The following KLHDC4 variants were observed in gnomAD, a reference collection of about 807,000 sequenced individuals.
The protein encoded by KLHDC4 is kelch domain-containing protein 4.
KLHDC4 carries 90 observed loss-of-function variants against 62.4 expected under a neutral mutation model. That is an observed-to-expected ratio of 1.44 (90% CI 1.22 to 1.72). The LOEUF is 1.72. KLHDC4 is among the 40% of genes most tolerant of loss of function. KLHDC4 has a pLI of 0.00. For synonymous variants in KLHDC4, 386 were observed against 284.4 expected (o/e 1.36, Z -3.59); for missense variants, 1,025 against 699.7 (o/e 1.47, Z -5.25).
At chr16:87,714,684 T>C (rs1265550306) in intron 7 of KLHDC4, 111 bp from the exon 8 acceptor site, 5 of 1,108,838 alleles carry the variant, frequency 4.5e-6, no homozygotes, top group Non-Finnish European at 6.8e-6. Flanking sequence ...GCCTTCCCTG[T>C]AGACCAGCCC....
In KLHDC4 at chr16:87,708,442, G is replaced by A. The variant is rs773373127; in HGVS notation, c.1472C>T (p.Thr491Met). Residue 491 changes from threonine (T) to methionine (M), a missense_variant, in exon 11 of 12, where the codon ACG becomes ATG. Thr to Met is a moderately conservative substitution (Grantham distance 81). Transcript: ENST00000270583. ...CTCCTCACTGTCCTCTTCCGAGTCC[G>A]TCTCCTCCAGCCACTCCTGAGTTTC... Reference protein sequence around the residue: ...DPETQEWLEETDSEEDSEEVE... With the variant: ...DPETQEWLEEMDSEEDSEEVE... The A allele has an allele frequency of 6.5e-5, 105 of 1,608,884 alleles. No individual in the cohort carries two copies. Among genetic ancestry groups the A allele is most frequent in the Admixed American group, 1.2e-4 (7 of 59,362 alleles).
intron 10 of KLHDC4, 51 bp downstream of exon 10, chr16:87,709,214 G>A (rs780832045): frequency 3.9e-5 from 61 of 1,565,490 alleles, no homozygotes; most frequent in South Asian, 7.0e-5. Flanking sequence ...CGCGACACAC[G>A]ACCGTGGGCT....
exon 1 of KLHDC4, chr16:87,700,895 T>G (rs918793034): frequency 1.5e-5 from 4 of 260,376 alleles, no homozygotes; most frequent in Non-Finnish European, 3.0e-5. Context: ...GGGAGGAAGC[T>G]GGAGGGCGGA....
At chr16:87,727,678 T>C (rs1202004862) in intron 6 of KLHDC4, among the ~76,000 whole-genome samples, 1 of 152,162 alleles carries the variant, frequency 6.6e-6, no homozygotes, top group Non-Finnish European at 1.5e-5. Context: ...CCTGTCCTAA[T>C]GTGGAACTTT....
downstream of KLHDC4, among the ~76,000 whole-genome samples, chr16:87,706,692 C>G (rs1355454860): frequency 6.6e-6 from 1 of 152,250 alleles, no homozygotes; most frequent in African/African-American, 2.4e-5. Context: ...AAGTGCCACC[C>G]ACCGAGGCCT....
chr16:87,755,125 C>T lies in KLHDC4; in HGVS notation c.369+69G>A, dbSNP rs371785044. The T allele has an allele frequency of 3.7e-6, 4 of 1,078,114 alleles. No individual in the cohort carries two copies. In the African/African-American group the frequency reaches 6.2e-5, roughly 17 times the overall value. The allele number at this position is 1,078,114 out of a possible 1,614,324, so 66.8% of individuals were successfully genotyped here. On this transcript the variant is annotated intron_variant, in intron 4 of 11. Coordinates refer to ENST00000270583, the MANE Select transcript of KLHDC4 (RefSeq NM_017566.4). ...GCACCAGCTGCCTGTCACCTATCAA[C>T]TCTCCGTGTGTCTACCAGACTCCCA... is the stretch of plus-strand genomic sequence containing the variant.
At chr16:87,707,677 G>A (rs956631544), downstream of KLHDC4, 21 of 195,528 alleles carry the variant, frequency 1.1e-4, no homozygotes, top group East Asian at 2.9e-4. Context: ...CCTGCTTCTC[G>A]AGGGTCCTTC....
intron 7 of KLHDC4, among the ~76,000 whole-genome samples, chr16:87,717,064 T>C (rs1597437736): frequency 6.6e-6 from 1 of 152,144 alleles, no homozygotes; most frequent in East Asian, 1.9e-4. Context: ...AACCCATCTC[T>C]CCCAAAAAAT....
chr16:87,760,042 T>TA (rs990684656), intron 2 of KLHDC4, among the ~76,000 whole-genome samples: 3 of 151,966 alleles, frequency 2.0e-5, no homozygotes, highest in African/African-American at 7.3e-5. Context: ...TTTAAAGTAA[T>TA]ATGATTAAGA....
intron 5 of KLHDC4, among the ~76,000 whole-genome samples, chr16:87,744,928 G>C (rs1054141009): frequency 2.0e-5 from 3 of 152,134 alleles, no homozygotes; most frequent in Admixed American, 6.5e-5. Context: ...CACAGGCATA[G>C]ACAGGCACAT....
chr16:87,752,107 A>AAAAAAAAAAT (rs2044082506), intron 4 of KLHDC4, among the ~76,000 whole-genome samples: 1 of 132,084 alleles, frequency 7.6e-6, no homozygotes, highest in African/African-American at 2.8e-5. Context: ...AAAAAAAAAA[A>AAAAAAAAAAT]AAAAAAAGAA....
chr16:87,763,151 G>A (rs1188191728), intron 1 of KLHDC4, among the ~76,000 whole-genome samples: 3 of 152,078 alleles, frequency 2.0e-5, no homozygotes, highest in African/African-American at 2.4e-5. Context: ...CGGTTCCCAG[G>A]GTAAGGAATA....
chr16:87,707,340 T>A (rs150224460), downstream of KLHDC4, among the ~76,000 whole-genome samples: 768 of 152,262 alleles, frequency 5.0e-3, 2 homozygotes, highest in Non-Finnish European at 8.6e-3. Context: ...CAAATGCTAA[T>A]CCTAAACCCT....
intron 6 of KLHDC4, among the ~76,000 whole-genome samples, chr16:87,727,460 T>A (rs906499514): frequency 3.3e-5 from 5 of 152,140 alleles, no homozygotes; most frequent in African/African-American, 4.8e-5. Context: ...CACAGTGGAC[T>A]GGAGGGGTGA....
chr16:87,750,606 G>T (rs77791164), intron 4 of KLHDC4, among the ~76,000 whole-genome samples: 22 of 152,226 alleles, frequency 1.4e-4, no homozygotes, highest in African/African-American at 3.1e-4. Context: ...GCTGGTAAAT[G>T]AGAGTGCCAA....
intron 10 of KLHDC4, 199 bp from the exon 11 acceptor site, chr16:87,708,665 C>T (rs1489223754): frequency 2.4e-6 from 1 of 421,800 alleles, no homozygotes; most frequent in African/African-American, 2.0e-5. Flanking sequence ...GGACAGAGAT[C>T]CGAGACGGCA....
At chr16:87,711,079 A>T in intron 9 of KLHDC4, 156 bp downstream of exon 9, 1 of 674,024 alleles carries the variant, frequency 1.5e-6, no homozygotes, top group Non-Finnish European at 2.5e-6. Flanking sequence ...AAGCCTAGTC[A>T]CCCAGGACAG....
Position 87,748,706 on chromosome 16 carries a change from A to G in KLHDC4, c.473T>C (p.Leu158Pro). 1 of 1,613,730 alleles carries G rather than the reference A, an allele frequency of 6.2e-7. No homozygotes were observed. Among genetic ancestry groups the G allele is most frequent in the Non-Finnish European group, 8.5e-7 (1 of 1,179,948 alleles). ...TTCCCAGGTCTTGGTGGCCAAATGC[A>G]GGACCCAGAGATCCTTGTAGTGGTA... ...QFYHYKDLWV[L>P]HLATKTWEQV... The change falls in exon 5 of 12, where the codon CTG becomes CCG. Residue 158 changes from leucine to proline, a missense_variant. Leu to Pro is a moderately conservative substitution (Grantham distance 98). Coordinates refer to ENST00000270583, the MANE Select transcript of KLHDC4 (RefSeq NM_017566.4).
Position 87,765,943 on chromosome 16 carries a change from T to A in KLHDC4, c.-53A>T. 1.3e-6 allele frequency: 2 copies of A among 1,516,510 alleles called. No individual in the cohort carries two copies. The highest frequency in any genetic ancestry group is 1.2e-5 in the South Asian group (1 of 83,248). The allele number at this position is 1,516,510 out of a possible 1,614,324, so 93.9% of individuals were successfully genotyped here. The stretch of plus-strand genomic sequence containing the variant: ...CACCAGGAAAGAAAACGGCCCGCGC[T>A]CTCCGCTCGGAAACAGGTGCTCGTG... On this transcript the variant is annotated 5_prime_UTR_variant, in exon 1 of 12. Coordinates refer to ENST00000270583, the MANE Select transcript of KLHDC4 (RefSeq NM_017566.4).
Sources: allele counts gnomAD v4.1 joint callset (sites outside exome capture counted in the v4.1 genomes callset), GRCh38; gene constraint gnomAD v4.1.1; transcripts MANE v1.5; gene names NCBI Gene and HGNC (gene_info 2026-07-23, HGNC 2026-07-21).